Variants in B4GALT1 observed in about 807,000 individuals in gnomAD.
B4GALT1 encodes the protein beta-1,4-galactosyltransferase 1, also known as N-acetyllactosamine synthase.
Under a neutral mutation model 34.9 loss-of-function variants are expected in B4GALT1, and 16 were observed. That is an observed-to-expected ratio of 0.46 (90% CI 0.31 to 0.70). The LOEUF is 0.70. Among genes scored for constraint, B4GALT1 ranks in the 30% least tolerant of loss-of-function variants. B4GALT1 has a pLI of 0.05. For synonymous variants in B4GALT1, 221 were observed against 218.1 expected (o/e 1.01, Z -0.12); for missense variants, 445 against 530.5 (o/e 0.84, Z 1.58).
intron 2 of B4GALT1, among the ~76,000 whole-genome samples, chr9:33,129,534 G>A (rs1003606395): frequency 1.3e-5 from 2 of 152,220 alleles, no homozygotes; most frequent in African/African-American, 4.8e-5. Context: ...CAAAGGGGCA[G>A]GAATCCTGGA....
intron 2 of B4GALT1, among the ~76,000 whole-genome samples, chr9:33,128,772 A>G (rs1564041642): frequency 6.6e-6 from 1 of 152,110 alleles, no homozygotes. Context: ...AAACCAAACC[A>G]ATGAGGCCAT....
At chr9:33,184,052 G>A in the B4GALT1 span, among the ~76,000 whole-genome samples, 2 of 151,966 alleles carry the variant, frequency 1.3e-5, no homozygotes, top group Admixed American at 6.6e-5. Context: ...ATAGCATTTA[G>A]AGAAATACCT....
chr9:33,181,438 ACACACACACACACAC>A, the B4GALT1 span, among the ~76,000 whole-genome samples: 8 of 150,790 alleles, frequency 5.3e-5, no homozygotes, highest in African/African-American at 2.0e-4. Context: ...ACACACACAC[ACACACACACACACAC>A]ACACACAAAC....
chr9:33,120,002 A>G (rs1342593271), intron 3 of B4GALT1, among the ~76,000 whole-genome samples: 2 of 152,024 alleles, frequency 1.3e-5, no homozygotes, highest in Non-Finnish European at 2.9e-5. Context: ...TGGGCAATAC[A>G]GCAAAACCCC....
intron 1 of B4GALT1, among the ~76,000 whole-genome samples, chr9:33,140,716 C>G (rs112414973): frequency 4.1e-4 from 63 of 152,346 alleles, no homozygotes; most frequent in African/African-American, 1.4e-3. Context: ...TCAGCTCCCC[C>G]ACCAGTGCTG....
chr9:33,120,194 C>T (rs1239564950), intron 3 of B4GALT1, among the ~76,000 whole-genome samples: 2 of 129,944 alleles, frequency 1.5e-5, no homozygotes, highest in Non-Finnish European at 3.4e-5. Flanking sequence ...AAAAAACAAA[C>T]AAAAAAAAAA....
At position 33,120,486 on chromosome 9, in the gene B4GALT1, G is replaced by T. The variant is rs1156316578; in HGVS notation, c.769C>A (p.His257Asn). ...SDVDLIPMND[H>N]NAYRCFSQPR... The stretch of plus-strand genomic sequence containing the variant: ...TGTGAAAAACACCTGTACGCATTAT[G>T]GTCATTCATTGGAATGAGGTCCACG... Residue 257 changes from histidine to asparagine, a missense_variant, in exon 3 of 6, where the codon CAT becomes AAT. Coordinates refer to ENST00000379731, the MANE Select transcript of B4GALT1 (RefSeq NM_001497.4). 1.2e-6 allele frequency: 2 copies of T among 1,614,002 alleles called. No homozygotes were observed.
Position 33,112,556 on chromosome 9 carries a change from A to G in B4GALT1, c.*898T>C, listed in dbSNP as rs1839878500. 1.3e-5 allele frequency: 2 copies of G among 152,652 alleles called. No homozygotes were observed. The highest frequency in any genetic ancestry group is 2.9e-5 in the Non-Finnish European group (2 of 68,038). The allele number at this position is 152,652 out of a possible 1,614,324, so 9.5% of individuals were successfully genotyped here. A position where few individuals can be genotyped will look rare whatever the true frequency, so the allele number is the denominator to read the frequency against. The stretch of plus-strand genomic sequence containing the variant: ...TATTTTTCTCCCTAAAAAATGCTCA[A>G]TACCCCTCCCCATATTTAAAACACC... On this transcript the variant is annotated 3_prime_UTR_variant, in exon 6 of 6. Coordinates refer to ENST00000379731, the MANE Select transcript of B4GALT1 (RefSeq NM_001497.4).
chr9:33,125,722 A>G (rs1840082476), intron 2 of B4GALT1, among the ~76,000 whole-genome samples: 1 of 152,212 alleles, frequency 6.6e-6, no homozygotes, highest in Admixed American at 6.5e-5. Context: ...ACTGTGGTTA[A>G]GGAAGGCAAG....
At chr9:33,153,015 A>G (rs1173545207) in intron 1 of B4GALT1, among the ~76,000 whole-genome samples, 1 of 152,242 alleles carries the variant, frequency 6.6e-6, no homozygotes, top group Non-Finnish European at 1.5e-5. Flanking sequence ...CCTGGGCAAC[A>G]TGGCAAAGAC....
At chr9:33,115,405 C>G (rs1256537209) in intron 4 of B4GALT1, among the ~76,000 whole-genome samples, 1 of 152,184 alleles carries the variant, frequency 6.6e-6, no homozygotes, top group Non-Finnish European at 1.5e-5. Context: ...TCAAATGCTA[C>G]TGATAGATGT....
At chr9:33,163,716 A>G (rs1377885408) in intron 1 of B4GALT1, among the ~76,000 whole-genome samples, 1 of 152,208 alleles carries the variant, frequency 6.6e-6, no homozygotes, top group Non-Finnish European at 1.5e-5. Context: ...GCAGGCAAAC[A>G]CCCAGGTGGC....
At chr9:33,158,134 C>A (rs928989206) in intron 1 of B4GALT1, among the ~76,000 whole-genome samples, 1 of 152,088 alleles carries the variant, frequency 6.6e-6, no homozygotes. Flanking sequence ...CCCCCCCACT[C>A]GCCAAACTGG....
chr9:33,167,366 G>C (rs1840783160), upstream of B4GALT1: 6 of 630,818 alleles, frequency 9.5e-6, no homozygotes, highest in East Asian at 3.6e-5. Flanking sequence ...CGCCGGCGGA[G>C]AGGGGAGGGG....
chr9:33,151,170 T>A (rs1288140246), intron 1 of B4GALT1, among the ~76,000 whole-genome samples: 1 of 152,200 alleles, frequency 6.6e-6, no homozygotes, highest in Non-Finnish European at 1.5e-5. Flanking sequence ...ACTTCCCTGC[T>A]CTGACTGCTG....
At chr9:33,142,687 G>A (rs930051049) in intron 1 of B4GALT1, among the ~76,000 whole-genome samples, 3 of 151,764 alleles carry the variant, frequency 2.0e-5, no homozygotes, top group South Asian at 2.1e-4. Flanking sequence ...CATGATTATC[G>A]AACTCCTGGG....
At chr9:33,148,322 G>A (rs868127456) in intron 1 of B4GALT1, among the ~76,000 whole-genome samples, 1 of 152,148 alleles carries the variant, frequency 6.6e-6, no homozygotes, top group Non-Finnish European at 1.5e-5. Flanking sequence ...TATTAGTTTG[G>A]CAAAAAATAG....
chr9:33,164,237 T>C (rs781022059), intron 1 of B4GALT1, among the ~76,000 whole-genome samples: 1 of 152,128 alleles, frequency 6.6e-6, no homozygotes, highest in Non-Finnish European at 1.5e-5. Flanking sequence ...CCACGGATGC[T>C]TTCTCCCACC....
At chr9:33,158,363 TC>T (rs1344827270) in intron 1 of B4GALT1, among the ~76,000 whole-genome samples, 2 of 152,146 alleles carry the variant, frequency 1.3e-5, no homozygotes, top group African/African-American at 4.8e-5. Context: ...GCAGCTCTCT[TC>T]CCTTTCAACT....
Sources: allele counts gnomAD v4.1 joint callset (sites outside exome capture counted in the v4.1 genomes callset), GRCh38; gene constraint gnomAD v4.1.1; transcripts MANE v1.5; gene names NCBI Gene and HGNC (gene_info 2026-07-23, HGNC 2026-07-21).